Variants in CFDP1 observed in about 807,000 individuals in gnomAD.
The protein encoded by CFDP1 is chromatin remodeling protein CFDP1, also known as heterochromatin-stabilizing protein CFDP1.
A neutral mutation model predicts 40.1 loss-of-function variants in CFDP1; 31 were observed. The observed-to-expected ratio is 0.77, with a 90% CI of 0.58 to 1.04. The LOEUF (loss-of-function observed/expected upper bound fraction) is 1.04, where lower values mean the gene tolerates loss of function less well. Among genes scored for constraint, CFDP1 ranks in the 50% least tolerant of loss-of-function variants. The pLI is 0.00. For synonymous variants in CFDP1, 167 were observed against 120.0 expected, an observed-to-expected ratio of 1.39 and a Z score of -2.56; for missense variants, 423 against 343.4, an observed-to-expected ratio of 1.23 and a Z score of -1.83.
intron 4 of CFDP1, among the ~76,000 whole-genome samples, chr16:75,398,642 G>T (rs1172995763): frequency 6.6e-6 from 1 of 152,182 alleles, no homozygotes; most frequent in African/African-American, 2.4e-5. Flanking sequence ...TGGCTACTCT[G>T]CAGCCACTAT....
At chr16:75,410,736 G>A (rs1051990254) in intron 4 of CFDP1, among the ~76,000 whole-genome samples, 4 of 151,064 alleles carry the variant, frequency 2.6e-5, no homozygotes, top group African/African-American at 4.9e-5. Context: ...GTGAAACCCC[G>A]TCTCTACTAA....
intron 5 of CFDP1, among the ~76,000 whole-genome samples, chr16:75,369,798 G>A (rs140639975): frequency 2.6e-4 from 40 of 152,242 alleles, no homozygotes; most frequent in Admixed American, 8.5e-4. Context: ...TGTCACCCAG[G>A]CTGGAGTGCA....
rs538521479 is a variant in CFDP1, at chr16:75,347,611, G to A, written c.651-42429C>T. 1.6e-4 allele frequency among the ~76,000 whole-genome samples: 25 copies of A among 152,178 alleles called. No individual in the cohort carries two copies. In the East Asian group the frequency reaches 4.1e-3, roughly 25 times the overall value. ...GGAGAATGGTGTGAACCCGGGAGGC[G>A]GAGGTTGCAGTGAGCTGAGATCGCG... On this transcript the variant is annotated intron_variant, in intron 5 of 6. Coordinates refer to ENST00000283882, the MANE Select transcript of CFDP1 (RefSeq NM_006324.3).
chr16:75,388,391 T>G (rs941106923), intron 5 of CFDP1, among the ~76,000 whole-genome samples: 2 of 152,196 alleles, frequency 1.3e-5, no homozygotes, highest in African/African-American at 4.8e-5. Flanking sequence ...GAGAACAAAT[T>G]GTTTCCAAAA....
intron 5 of CFDP1, among the ~76,000 whole-genome samples, chr16:75,309,616 C>T (rs1013424337): frequency 3.9e-5 from 6 of 151,952 alleles, no homozygotes; most frequent in South Asian, 2.1e-4. Context: ...GTCAGGAGAT[C>T]GAGACCATCC....
Position 75,401,272 on chromosome 16 carries a change from C to A in CFDP1, c.531-6063G>T, listed in dbSNP as rs555451027. Among the ~76,000 whole-genome samples, 215 of 152,044 alleles carry A rather than the reference C, an allele frequency of 1.4e-3. 2 individuals are homozygous for A. In the South Asian group the frequency reaches 0.021, roughly 15 times the overall value. ...TGAAACCCCGTCTCTACTAAAAATA[C>A]AAAATATTAGCCAGGCTTGGTGGCG... On this transcript the variant is annotated intron_variant, in intron 4 of 6. Coordinates refer to ENST00000283882, the MANE Select transcript of CFDP1 (RefSeq NM_006324.3).
intron 4 of CFDP1, among the ~76,000 whole-genome samples, chr16:75,405,345 G>A (rs1205335435): frequency 1.3e-5 from 2 of 151,868 alleles, no homozygotes; most frequent in Non-Finnish European, 2.9e-5. Flanking sequence ...ATTTATACAG[G>A]TGCCAGGCAT....
rs552068607 is a variant in CFDP1, at chr16:75,399,668, C to T, written c.531-4459G>A. On this transcript the variant is annotated intron_variant, in intron 4 of 6. Coordinates refer to ENST00000283882, the MANE Select transcript of CFDP1 (RefSeq NM_006324.3). The stretch of plus-strand genomic sequence containing the variant: ...CTGGGATTACAGGCATGAGCCACTG[C>T]GCCCAGCCCAAATTTTCTGACAGTA... Among the ~76,000 whole-genome samples the T allele has an allele frequency of 4.3e-4, 65 of 152,100 alleles. 1 individual carries two copies. In the South Asian group the frequency reaches 6.6e-3, roughly 16 times the overall value.
intron 5 of CFDP1, among the ~76,000 whole-genome samples, chr16:75,354,331 T>C (rs1597350135): frequency 6.6e-6 from 1 of 152,316 alleles, no homozygotes; most frequent in East Asian, 1.9e-4. Flanking sequence ...GCCTGCCACA[T>C]ACCCGCACAT....
intron 5 of CFDP1, among the ~76,000 whole-genome samples, chr16:75,309,468 G>A (rs1343244421): frequency 6.6e-6 from 1 of 151,840 alleles, no homozygotes; most frequent in Non-Finnish European, 1.5e-5. Flanking sequence ...TGGCAGCTGT[G>A]TATATTGGAA....
intron 5 of CFDP1, among the ~76,000 whole-genome samples, chr16:75,356,907 CTTTCTT>C (rs1211613872): frequency 0.024 from 924 of 38,432 alleles, 8 homozygotes; most frequent in South Asian, 0.066. Flanking sequence ...CAGCTGCTTT[CTTTCTT>C]TTTTTTTTTT....
chr16:75,302,772 G>A (rs1297652128), intron 6 of CFDP1, among the ~76,000 whole-genome samples: 2 of 152,240 alleles, frequency 1.3e-5, no homozygotes, highest in Admixed American at 1.3e-4. Flanking sequence ...CACTCGTGAA[G>A]AGACAACACT....
At chr16:75,429,386 G>C (rs1459647530) in intron 1 of CFDP1, among the ~76,000 whole-genome samples, 2 of 152,208 alleles carry the variant, frequency 1.3e-5, no homozygotes, top group East Asian at 3.9e-4. Context: ...AGGCGTGGTG[G>C]CTCACGCCTG....
intron 5 of CFDP1, among the ~76,000 whole-genome samples, chr16:75,308,102 G>A (rs1173748022): frequency 6.6e-6 from 1 of 152,160 alleles, no homozygotes; most frequent in Non-Finnish European, 1.5e-5. Flanking sequence ...CTGGCTGCAG[G>A]GTCTCCTCTG....
At chr16:75,389,360 T>C (rs1489904266) in intron 5 of CFDP1, among the ~76,000 whole-genome samples, 1 of 152,232 alleles carries the variant, frequency 6.6e-6, no homozygotes, top group Non-Finnish European at 1.5e-5. Flanking sequence ...ATTTTTGTAG[T>C]TTGATTCCTG....
At chr16:75,327,600 G>A (rs528008620) in intron 5 of CFDP1, among the ~76,000 whole-genome samples, 1 of 152,226 alleles carries the variant, frequency 6.6e-6, no homozygotes, top group Admixed American at 6.5e-5. Context: ...AAAAAATTGT[G>A]ATGGGGACAG....
chr16:75,351,273 G>C (rs945612361), intron 5 of CFDP1, among the ~76,000 whole-genome samples: 1 of 152,162 alleles, frequency 6.6e-6, no homozygotes, highest in African/African-American at 2.4e-5. Context: ...TCTATGTATT[G>C]ATAAATCCTT....
intron 5 of CFDP1, among the ~76,000 whole-genome samples, chr16:75,321,118 T>C (rs1342773333): frequency 6.6e-6 from 1 of 152,122 alleles, no homozygotes; most frequent in Non-Finnish European, 1.5e-5. Flanking sequence ...AATACTTTAA[T>C]ATTTTAATAA....
intron 5 of CFDP1, among the ~76,000 whole-genome samples, chr16:75,338,747 T>A (rs1430189343): frequency 6.6e-6 from 1 of 152,232 alleles, no homozygotes; most frequent in East Asian, 1.9e-4. Flanking sequence ...ACTGAGTTCC[T>A]GCACACCTGA....
Sources: gnomAD v4.1 joint callset for allele counts (sites outside exome capture counted in the v4.1 genomes callset) on GRCh38, gnomAD v4.1.1 for gene constraint, MANE v1.5 for transcripts, NCBI Gene and HGNC (gene_info 2026-07-23, HGNC 2026-07-21) for gene names.